POLR1E: variants seen among roughly 807,000 people sequenced by gnomAD.
The protein encoded by POLR1E is DNA-directed RNA polymerase I subunit RPA49.
A neutral mutation model predicts 50.9 loss-of-function variants in POLR1E; 37 were observed. The ratio of observed to expected loss-of-function variants is 0.73; its 90% confidence interval spans 0.56 to 0.96. The LOEUF (loss-of-function observed/expected upper bound fraction) is 0.96. Among genes scored for constraint, POLR1E ranks in the 40% least tolerant of loss-of-function variants. The pLI is 0.00. For synonymous variants in POLR1E, 166 were observed against 191.6 expected (o/e 0.87, Z 1.10); for missense variants, 426 against 518.1 (o/e 0.82, Z 1.73).
intron 4 of POLR1E, among the ~76,000 whole-genome samples, chr9:37,492,086 T>TTG (rs1465264526): frequency 7.4e-6 from 1 of 135,300 alleles, no homozygotes; most frequent in African/African-American, 3.0e-5. Flanking sequence ...AGTACTGTTG[T>TTG]TCTTTTTTTA....
At position 37,487,939 on chromosome 9, in the gene POLR1E, G is replaced by A; in HGVS notation, c.257G>A (p.Arg86Lys). 1 of 1,614,002 alleles carries A rather than the reference G, an allele frequency of 6.2e-7. No individual in the cohort carries two copies. Among genetic ancestry groups the A allele is most frequent in the Non-Finnish European group, 8.5e-7 (1 of 1,179,952 alleles). The part of the protein sequence containing the change: ...TGALKCNTLC[R>K]HFVGILNKTS... The stretch of plus-strand genomic sequence containing the variant: ...GCCCTCAAATGCAACACTTTGTGCA[G>A]GTAATGGCAGGGGAAGGGACAGTGG... The change falls in exon 3 of 12, where the codon AGG becomes AAG. Residue 86 changes from arginine to lysine, a missense_variant and splice_region_variant. By Grantham distance (26) the Arg-to-Lys change is conservative (BLOSUM62 2). Transcript: ENST00000377798.
At chr9:37,488,836 C>G (rs1054549006) in intron 3 of POLR1E, among the ~76,000 whole-genome samples, 4 of 151,862 alleles carry the variant, frequency 2.6e-5, no homozygotes, top group African/African-American at 9.7e-5. Flanking sequence ...CCTATTCCCT[C>G]TCTATGCAGA....
intron 4 of POLR1E, among the ~76,000 whole-genome samples, chr9:37,491,599 G>A (rs56216267): frequency 0.013 from 1,948 of 151,936 alleles, 20 homozygotes; most frequent in Middle Eastern, 0.034. Flanking sequence ...GAGTAGCTGG[G>A]GTTATAGGTG....
chr9:37,499,893 C>G (rs917421312), intron 9 of POLR1E, among the ~76,000 whole-genome samples: 14 of 151,454 alleles, frequency 9.2e-5, no homozygotes, highest in African/African-American at 2.9e-4. Context: ...CTCTGTCGCC[C>G]AGGCTGGAGT....
chr9:37,503,401 A>C lies in POLR1E; in HGVS notation c.*199A>C. Reference sequence around the variant, plus strand: ...AAACCAGTCTGGACAACATAGGGAGACCCCATCTCTACCGGAGGAAAAAAA... The same window carrying C: ...AAACCAGTCTGGACAACATAGGGAGCCCCCATCTCTACCGGAGGAAAAAAA... On this transcript the variant is annotated 3_prime_UTR_variant, in exon 12 of 12. Transcript: ENST00000377798. 1 of 479,170 alleles carries C rather than the reference A, an allele frequency of 2.1e-6. No homozygotes were observed. The highest frequency in any genetic ancestry group is 4.1e-5 in the Admixed American group (1 of 24,188). The allele number at this position is 479,170 out of a possible 1,614,324, so 29.7% of individuals were successfully genotyped here.
chr9:37,487,195 G>A lies in POLR1E; in HGVS notation c.180+389G>A, dbSNP rs529169956. ...TACTCATTAGATGCCAGTAGCACCA[G>A]AGTGGATTTCCCTGGATTGAGAACC... On this transcript the variant is annotated intron_variant, in intron 2 of 11. Coordinates refer to ENST00000377798, the MANE Select transcript of POLR1E (RefSeq NM_022490.4). Among the ~76,000 whole-genome samples, 3 of 152,338 alleles carry A rather than the reference G, an allele frequency of 2.0e-5. No individual in the cohort carries two copies. In the South Asian group the frequency reaches 6.2e-4, roughly 32 times the overall value.
At chr9:37,495,134 C>T (rs1820761437) in intron 6 of POLR1E, 35 bp from the exon 7 acceptor site, 2 of 1,528,922 alleles carry the variant, frequency 1.3e-6, no homozygotes, top group East Asian at 2.3e-5. Context: ...TGGAAACAAA[C>T]AGGGTGATAC....
At chr9:37,493,206 G>A (rs1370467965) in intron 5 of POLR1E, among the ~76,000 whole-genome samples, 3 of 152,172 alleles carry the variant, frequency 2.0e-5, no homozygotes, top group Non-Finnish European at 4.4e-5. Context: ...AGGAGTCAGT[G>A]ATCTATTAGC....
At chr9:37,496,058 G>A in intron 8 of POLR1E, 72 bp downstream of exon 8, 1 of 1,096,246 alleles carries the variant, frequency 9.1e-7, no homozygotes. Flanking sequence ...ACACTGTGCA[G>A]GTCCTCTGGG....
At chr9:37,497,003 G>C (rs554065839) in intron 8 of POLR1E, among the ~76,000 whole-genome samples, 1 of 152,282 alleles carries the variant, frequency 6.6e-6, no homozygotes, top group South Asian at 2.1e-4. Context: ...CAGGAGGAGA[G>C]TACCTGTACT....
At chr9:37,498,889 A>G (rs1314793847) in intron 9 of POLR1E, among the ~76,000 whole-genome samples, 1 of 152,154 alleles carries the variant, frequency 6.6e-6, no homozygotes, top group African/African-American at 2.4e-5. Context: ...TGATGGGGAT[A>G]TGTTCTGAGA....
At position 37,493,639 on chromosome 9, in the gene POLR1E, T is replaced by A; in HGVS notation, c.483T>A (p.Asn161Lys). Residue 161 changes from asparagine to lysine, a missense_variant, in exon 6 of 12, where the codon AAT (asparagine) becomes AAA (lysine). Transcript: ENST00000377798. ...CCAGGAGAATGAACAGAGTTGGCAATGAATCTTTGAATCGTGCAGTGGCTA... is the reference window on the plus strand; with the variant it reads ...CCAGGAGAATGAACAGAGTTGGCAAAGAATCTTTGAATCGTGCAGTGGCTA... Reference protein sequence around the residue: ...LNTRRMNRVGNESLNRAVAKA... With the variant: ...LNTRRMNRVGKESLNRAVAKA... 6.2e-7 allele frequency: 1 copy of A among 1,610,032 alleles called. No individual in the cohort carries two copies.
intron 5 of POLR1E, 88 bp downstream of exon 5, chr9:37,492,803 C>A: frequency 1.7e-6 from 2 of 1,165,306 alleles, no homozygotes; most frequent in Non-Finnish European, 2.5e-6. Flanking sequence ...GCTTGTTGAA[C>A]TCAAGGGTCT....
intron 1 of POLR1E, chr9:37,486,474 C>T: frequency 1.9e-6 from 3 of 1,551,388 alleles, no homozygotes; most frequent in Non-Finnish European, 8.7e-7. Flanking sequence ...CCTCCTTCCG[C>T]GAGACATTCC....
At chr9:37,499,541 G>T (rs914509057) in intron 9 of POLR1E, among the ~76,000 whole-genome samples, 1 of 151,540 alleles carries the variant, frequency 6.6e-6, no homozygotes, top group East Asian at 1.9e-4. Context: ...TTTTTGTTTT[G>T]TTTTTTTTGA....
chr9:37,492,244 G>A, intron 4 of POLR1E: 1 of 1,288,260 alleles, frequency 7.8e-7, no homozygotes, highest in Non-Finnish European at 1.0e-6. Context: ...GAGAGCATCG[G>A]TAAGTACCAC....
intron 2 of POLR1E, among the ~76,000 whole-genome samples, chr9:37,487,461 C>T (rs1041406517): frequency 6.6e-6 from 1 of 152,184 alleles, no homozygotes; most frequent in East Asian, 1.9e-4. Flanking sequence ...AGCAGGAAAG[C>T]TTGCTTATGA....
chr9:37,503,251 T>C lies in POLR1E; in HGVS notation c.*49T>C. 6.5e-7 allele frequency: 1 copy of C among 1,548,484 alleles called. No individual in the cohort carries two copies. The highest frequency in any genetic ancestry group is 8.7e-7 in the Non-Finnish European group (1 of 1,149,372). Reference sequence around the variant, plus strand: ...TTTTGGCTGCATCACAGCCACTGGCTGGTCCTATTCATTTCCATTTTTATG... The same window carrying C: ...TTTTGGCTGCATCACAGCCACTGGCCGGTCCTATTCATTTCCATTTTTATG... On this transcript the variant is annotated 3_prime_UTR_variant, in exon 12 of 12. Coordinates refer to ENST00000377798, the MANE Select transcript of POLR1E (RefSeq NM_022490.4).
In POLR1E at chr9:37,498,229, G is replaced by T. The variant is rs1431095540; in HGVS notation, c.886+5G>T. On this transcript the variant is annotated splice_donor_5th_base_variant and intron_variant, in intron 9 of 11. Transcript: ENST00000377798. ...ATAGGGTAGTTAAGCGGAAAAGTAA[G>T]TCTATGATAAACATTTTATTCTAAT... The T allele has an allele frequency of 2.5e-6, 4 of 1,609,852 alleles. No homozygotes were observed.
Sources: gnomAD v4.1 joint callset for allele counts (sites outside exome capture counted in the v4.1 genomes callset) on GRCh38, gnomAD v4.1.1 for gene constraint, MANE v1.5 for transcripts, NCBI Gene and HGNC (gene_info 2026-07-23, HGNC 2026-07-21) for gene names.